Variants in TBC1D5 observed in about 807,000 individuals in gnomAD.
The protein encoded by TBC1D5 is TBC1 domain family, member 5.
In TBC1D5, 75 loss-of-function variants were observed where a neutral mutation model predicts 100.3. That is an observed-to-expected ratio of 0.75 (90% CI 0.62 to 0.91). The LOEUF (loss-of-function observed/expected upper bound fraction) is 0.91, where lower values mean the gene tolerates loss of function less well. TBC1D5 is among the 40% of genes least tolerant of loss of function. The pLI is 0.00. For synonymous variants in TBC1D5, 323 were observed against 325.6 expected, an observed-to-expected ratio of 0.99 and a Z score of 0.09; for missense variants, 910 against 942.4, an observed-to-expected ratio of 0.97 and a Z score of 0.45.
At chr3:17,339,132 C>A (rs1408099908) in intron 13 of TBC1D5, among the ~76,000 whole-genome samples, 1 of 152,214 alleles carries the variant, frequency 6.6e-6, no homozygotes, top group Non-Finnish European at 1.5e-5. Context: ...TCCCTGTCTG[C>A]AAAACGTGTG....
chr3:17,506,235 C>T (rs2095843664), intron 3 of TBC1D5, among the ~76,000 whole-genome samples: 1 of 152,038 alleles, frequency 6.6e-6, no homozygotes, highest in South Asian at 2.1e-4. Flanking sequence ...CATTAAAATG[C>T]AACACATTTT....
At chr3:17,654,043 TAATTA>T (rs1181393605) in intron 1 of TBC1D5, among the ~76,000 whole-genome samples, 1 of 152,158 alleles carries the variant, frequency 6.6e-6, no homozygotes, top group Non-Finnish European at 1.5e-5. Flanking sequence ...CAAGTCAGCT[TAATTA>T]AATTTTAAAA....
Position 17,282,610 on chromosome 3 carries a change from T to A in TBC1D5, c.1245+9285A>T, listed in dbSNP as rs189546365. On this transcript the variant is annotated intron_variant, in intron 15 of 21. Coordinates refer to ENST00000253692, the Ensembl canonical transcript of TBC1D5. Reference sequence around the variant, plus strand: ...TTGTCTTCTAAAACATGCCGAGCAATCATTTCCACAAAGTTTCATTGCTCT... The same window carrying A: ...TTGTCTTCTAAAACATGCCGAGCAAACATTTCCACAAAGTTTCATTGCTCT... 3.3e-5 allele frequency among the ~76,000 whole-genome samples: 5 copies of A among 152,346 alleles called. No individual in the cohort carries two copies. In the East Asian group the frequency reaches 9.6e-4, roughly 29 times the overall value.
chr3:17,289,208 GC>G (rs2081467689), intron 15 of TBC1D5, among the ~76,000 whole-genome samples: 1 of 152,126 alleles, frequency 6.6e-6, no homozygotes, highest in Non-Finnish European at 1.5e-5. Context: ...GCACTCGCTT[GC>G]CCATGCACCC....
At chr3:17,642,325 C>G (rs953474752) in intron 1 of TBC1D5, among the ~76,000 whole-genome samples, 1 of 151,930 alleles carries the variant, frequency 6.6e-6, no homozygotes. Flanking sequence ...TATATATAAC[C>G]ATATATATTA....
intron 1 of TBC1D5, among the ~76,000 whole-genome samples, chr3:17,645,344 A>G (rs995180913): frequency 6.6e-6 from 1 of 152,268 alleles, no homozygotes; most frequent in African/African-American, 2.4e-5. Context: ...AGTTATAATT[A>G]TAGCTGGGAA....
intron 2 of TBC1D5, among the ~76,000 whole-genome samples, 164 bp from the exon 3 acceptor site, chr3:17,508,769 G>GA (rs1306315572): frequency 6.6e-6 from 1 of 152,030 alleles, no homozygotes; most frequent in East Asian, 1.9e-4. Context: ...GCAAAGAAGG[G>GA]AAAAAGGTAA....
intron 3 of TBC1D5, among the ~76,000 whole-genome samples, chr3:17,442,780 C>A (rs2094694824): frequency 6.6e-6 from 1 of 152,106 alleles, no homozygotes. Context: ...GACACTGGAA[C>A]CTCCACCCAC....
chr3:17,721,701 C>T (rs1221929261), intron 1 of TBC1D5, among the ~76,000 whole-genome samples: 1 of 148,106 alleles, frequency 6.8e-6, no homozygotes, highest in African/African-American at 2.5e-5. Flanking sequence ...AATAATGTGG[C>T]TGGGCATGGT....
At chr3:17,168,931 C>T (rs2066906003) in intron 19 of TBC1D5, among the ~76,000 whole-genome samples, 1 of 152,194 alleles carries the variant, frequency 6.6e-6, no homozygotes, top group Admixed American at 6.5e-5. Flanking sequence ...TCCTCACTTG[C>T]TCAATGCCCC....
intron 13 of TBC1D5, among the ~76,000 whole-genome samples, chr3:17,349,926 G>A (rs2090352766): frequency 6.6e-6 from 1 of 152,172 alleles, no homozygotes; most frequent in Admixed American, 6.6e-5. Context: ...CAAGTCATTT[G>A]TAAATAACAT....
chr3:17,224,474 CA>C (rs2074625894), intron 17 of TBC1D5, among the ~76,000 whole-genome samples: 1 of 152,134 alleles, frequency 6.6e-6, no homozygotes. Flanking sequence ...ATTTTACATT[CA>C]TTTTTTCATA....
chr3:17,643,365 T>A (rs1028538642), intron 1 of TBC1D5, among the ~76,000 whole-genome samples: 1 of 152,104 alleles, frequency 6.6e-6, no homozygotes, highest in African/African-American at 2.4e-5. Context: ...CTATCAGCTG[T>A]CTCCTCCATA....
intron 3 of TBC1D5, among the ~76,000 whole-genome samples, chr3:17,429,858 C>A (rs1416638723): frequency 4.0e-5 from 6 of 151,782 alleles, no homozygotes; most frequent in African/African-American, 7.2e-5. Context: ...GAGAAGTGGA[C>A]TGAGCCTGCT....
intron 1 of TBC1D5, among the ~76,000 whole-genome samples, chr3:17,715,512 T>A (rs908803557): frequency 6.6e-6 from 1 of 152,152 alleles, no homozygotes; most frequent in Non-Finnish European, 1.5e-5. Flanking sequence ...TCTATCAAAG[T>A]GGGACATGGA....
Position 17,711,014 on chromosome 3 carries a change from T to A in TBC1D5, c.-101+28329A>T, listed in dbSNP as rs1013676309. 7.9e-5 allele frequency among the ~76,000 whole-genome samples: 12 copies of A among 152,176 alleles called. No individual in the cohort carries two copies. In the East Asian group the frequency reaches 2.1e-3, roughly 27 times the overall value. ...ACACGGTCTGTTTTCATTTATTTAA[T>A]CCTTAAGAAAACAGTTATTAAAATC... On this transcript the variant is annotated intron_variant, in intron 1 of 21. Transcript: ENST00000253692.
intron 14 of TBC1D5, among the ~76,000 whole-genome samples, chr3:17,298,171 T>A (rs1308254082): frequency 6.6e-6 from 1 of 152,240 alleles, no homozygotes; most frequent in Non-Finnish European, 1.5e-5. Context: ...TGTTTTGTGA[T>A]TTTTAGTGCC....
intron 2 of TBC1D5, 174 bp downstream of exon 2, chr3:17,623,675 G>T (rs1461689745): frequency 6.6e-6 from 1 of 152,202 alleles, no homozygotes; most frequent in Non-Finnish European, 1.5e-5. Context: ...GCAATTGTAG[G>T]CCCTGCCCCC....
At chr3:17,431,008 T>C (rs969448179) in intron 3 of TBC1D5, among the ~76,000 whole-genome samples, 2 of 151,908 alleles carry the variant, frequency 1.3e-5, no homozygotes, top group African/African-American at 2.4e-5. Flanking sequence ...TTCCGCCAGT[T>C]TGGGAAATAA....
Sources: allele counts gnomAD v4.1 joint callset (sites outside exome capture counted in the v4.1 genomes callset), GRCh38; gene constraint gnomAD v4.1.1; transcripts MANE v1.5; gene names NCBI Gene and HGNC (gene_info 2026-07-23, HGNC 2026-07-21).